The following LHFPL3 variants were observed in gnomAD, a reference collection of about 807,000 sequenced individuals.
The protein encoded by LHFPL3 is LHFPL tetraspan subfamily member 3.
A neutral mutation model predicts 19.3 loss-of-function variants in LHFPL3; 5 were observed. The observed-to-expected ratio is 0.26, with a 90% CI of 0.14 to 0.54. The LOEUF (loss-of-function observed/expected upper bound fraction) is 0.54, where lower values mean the gene tolerates loss of function less well. Among genes scored for constraint, LHFPL3 ranks in the 20% least tolerant of loss-of-function variants. The probability of loss-of-function intolerance (pLI) is 0.94; values close to 1 mark genes in which losing one functional copy is unlikely to be tolerated. For missense variants in LHFPL3, 249 were observed against 307.4 expected, an observed-to-expected ratio of 0.81 and a Z score of 1.42; for synonymous variants, 133 against 126.2, an observed-to-expected ratio of 1.05 and a Z score of -0.36.
chr7:104,777,639 G>A (rs747867266), intron 2 of LHFPL3, among the ~76,000 whole-genome samples: 1 of 152,196 alleles, frequency 6.6e-6, no homozygotes, highest in Non-Finnish European at 1.5e-5. Flanking sequence ...GTGCCTGATT[G>A]CCAGCACTAC....
intron 1 of LHFPL3, among the ~76,000 whole-genome samples, chr7:104,530,750 A>T (rs1274044024): frequency 2.6e-5 from 4 of 152,334 alleles, no homozygotes; most frequent in African/African-American, 9.6e-5. Flanking sequence ...TAATAGAAGC[A>T]CTAAAATCTG....
intron 2 of LHFPL3, among the ~76,000 whole-genome samples, chr7:104,786,877 A>T (rs1789927205): frequency 1.3e-5 from 2 of 152,242 alleles, no homozygotes; most frequent in Non-Finnish European, 2.9e-5. Flanking sequence ...AACTTTTAAA[A>T]TAACATAGTG....
At chr7:104,733,313 A>G (rs985045753) in intron 1 of LHFPL3, among the ~76,000 whole-genome samples, 1 of 152,154 alleles carries the variant, frequency 6.6e-6, no homozygotes, top group African/African-American at 2.4e-5. Context: ...TCTAATGTAG[A>G]GAGTGGGGTG....
At chr7:104,700,393 G>C (rs958110220) in intron 1 of LHFPL3, among the ~76,000 whole-genome samples, 1 of 152,138 alleles carries the variant, frequency 6.6e-6, no homozygotes, top group Non-Finnish European at 1.5e-5. Context: ...AGTCAAGGTC[G>C]TCACTCTTCT....
At chr7:104,885,048 G>A (rs1792123468) in intron 2 of LHFPL3, among the ~76,000 whole-genome samples, 1 of 152,222 alleles carries the variant, frequency 6.6e-6, no homozygotes, top group Non-Finnish European at 1.5e-5. Flanking sequence ...AGCACTCAGT[G>A]CTGAAGATCT....
chr7:104,865,118 A>G (rs1302143620), intron 2 of LHFPL3, among the ~76,000 whole-genome samples: 1 of 152,156 alleles, frequency 6.6e-6, no homozygotes, highest in Non-Finnish European at 1.5e-5. Context: ...AACCACAAAG[A>G]TGGGGAAAAA....
intron 2 of LHFPL3, chr7:104,739,030 C>T (rs545401641): frequency 8.5e-5 from 13 of 152,146 alleles, no homozygotes; most frequent in Non-Finnish European, 1.6e-4. Flanking sequence ...GATCATCAGG[C>T]CACATTGATG....
chr7:104,544,330 C>T (rs1794542256), intron 1 of LHFPL3, among the ~76,000 whole-genome samples: 1 of 152,098 alleles, frequency 6.6e-6, no homozygotes, highest in Admixed American at 6.5e-5. Context: ...GGCCCCATAG[C>T]CATCTCAGGA....
intron 2 of LHFPL3, among the ~76,000 whole-genome samples, chr7:104,777,486 A>T (rs924148792): frequency 6.6e-6 from 1 of 152,228 alleles, no homozygotes; most frequent in Admixed American, 6.5e-5. Context: ...GTCAGCCCAG[A>T]GTCTGATTGG....
At chr7:104,862,112 C>T (rs936103848) in intron 2 of LHFPL3, among the ~76,000 whole-genome samples, 4 of 152,082 alleles carry the variant, frequency 2.6e-5, no homozygotes, top group Non-Finnish European at 4.4e-5. Flanking sequence ...AAGGAAATCA[C>T]CTGACATGGA....
chr7:104,475,052 A>G (rs1293549787), intron 1 of LHFPL3, among the ~76,000 whole-genome samples: 2 of 152,246 alleles, frequency 1.3e-5, no homozygotes, highest in Non-Finnish European at 2.9e-5. Flanking sequence ...TGAGATGAAG[A>G]GAGACAAAAT....
intron 2 of LHFPL3, among the ~76,000 whole-genome samples, chr7:104,792,002 A>G (rs1165310718): frequency 6.6e-6 from 1 of 152,124 alleles, no homozygotes; most frequent in Non-Finnish European, 1.5e-5. Context: ...AAGGTTATGG[A>G]GAGATATTGG....
At chr7:104,826,197 G>A (rs1562805428) in intron 2 of LHFPL3, 2 of 152,186 alleles carry the variant, frequency 1.3e-5, no homozygotes, top group East Asian at 3.8e-4. Context: ...GTCTGTCCTG[G>A]AAACCTTTCA....
chr7:104,442,019 C>T lies in LHFPL3; in HGVS notation c.445+112795C>T, dbSNP rs552285727. Among the ~76,000 whole-genome samples, 11 of 152,070 alleles carry T rather than the reference C, an allele frequency of 7.2e-5. No homozygotes were observed. The East Asian group carries it at 2.1e-3, about 29-fold the overall frequency. On this transcript the variant is annotated intron_variant, in intron 1 of 2. Coordinates refer to ENST00000424859, the MANE Select transcript of LHFPL3 (RefSeq NM_199000.3). ...GTTTTACATTTCTACCAACAGTGTG[C>T]AAGGGTTTCAATTTCTCTACATCCT...
rs6945052 is a variant in LHFPL3 at position 104,386,411 on chromosome 7, G to A, written c.445+57187G>A. ...GTTGCCTGAGATTCCGATAACAACT[G>A]GGGCAAACAAGAGCCTGATTAAAAG... On this transcript the variant is annotated intron_variant, in intron 1 of 2. Coordinates refer to ENST00000424859, the MANE Select transcript of LHFPL3 (RefSeq NM_199000.3). Among the ~76,000 whole-genome samples, 852 of 152,238 alleles carry A rather than the reference G, an allele frequency of 5.6e-3. 2 individuals carry two copies. Among genetic ancestry groups the A allele is most frequent in the African/African-American group, 0.02 (816 of 41,532 alleles).
At chr7:104,373,723 G>C (rs1790654793) in intron 1 of LHFPL3, among the ~76,000 whole-genome samples, 1 of 152,184 alleles carries the variant, frequency 6.6e-6, no homozygotes, top group Admixed American at 6.5e-5. Context: ...TTCTATGGTG[G>C]CTGCCCTTAG....
intron 1 of LHFPL3, among the ~76,000 whole-genome samples, chr7:104,618,284 G>A (rs1462633192): frequency 1.3e-5 from 2 of 152,292 alleles, no homozygotes; most frequent in East Asian, 3.9e-4. Flanking sequence ...TTAATAAGCA[G>A]TTGCTTGATT....
chr7:104,713,739 A>G (rs955450076), intron 1 of LHFPL3, among the ~76,000 whole-genome samples: 4 of 152,256 alleles, frequency 2.6e-5, no homozygotes, highest in Non-Finnish European at 5.9e-5. Flanking sequence ...TCAAAATTCT[A>G]TAATTCTATC....
At chr7:104,759,331 T>C (rs929192586) in intron 2 of LHFPL3, among the ~76,000 whole-genome samples, 1 of 152,172 alleles carries the variant, frequency 6.6e-6, no homozygotes, top group Non-Finnish European at 1.5e-5. Context: ...GTGAGCCACA[T>C]ATGTGCTTAT....
Sources: allele counts gnomAD v4.1 joint callset (sites outside exome capture counted in the v4.1 genomes callset), GRCh38; gene constraint gnomAD v4.1.1; transcripts MANE v1.5; gene names NCBI Gene and HGNC (gene_info 2026-07-23, HGNC 2026-07-21).